The following ASXL3 variants were observed in gnomAD, a reference collection of about 807,000 sequenced individuals.
ASXL3 encodes the protein ASXL transcriptional regulator 3, also known as putative Polycomb group protein ASXL3.
Under a neutral mutation model 170.6 loss-of-function variants are expected in ASXL3, and 34 were observed. The ratio of observed to expected loss-of-function variants is 0.20; its 90% CI spans 0.15 to 0.27. The LOEUF (loss-of-function observed/expected upper bound fraction) is 0.27. ASXL3 is among the 10% of genes least tolerant of loss of function. The probability of loss-of-function intolerance (pLI) is 1.00; values close to 1 mark genes in which losing one functional copy is unlikely to be tolerated. For synonymous variants in ASXL3, 1,002 were observed against 989.1 expected (o/e 1.01, Z -0.24); for missense variants, 2,592 against 2,695.3 (o/e 0.96, Z 0.85).
Position 33,746,238 on chromosome 18 carries a change from A to G in ASXL3, c.6390A>G (p.Pro2130=), listed in dbSNP as rs1413431183. 1 of 1,613,876 alleles carries G rather than the reference A, an allele frequency of 6.2e-7. No individual in the cohort carries two copies. Among genetic ancestry groups the G allele is most frequent in the Non-Finnish European group, 8.5e-7 (1 of 1,179,904 alleles). ...ADFSSYLLSE[P]QKPFTQLAAQ... ...TCTCTTCCTATTTGCTTTCTGAGCC[A>G]CAAAAGCCTTTTACCCAATTAGCTG... Residue 2130 remains proline (P), a synonymous_variant, in exon 12 of 12, where the codon CCA becomes CCG. Transcript: ENST00000269197.
intron 8 of ASXL3, among the ~76,000 whole-genome samples, chr18:33,703,173 G>A (rs961367932): frequency 4.6e-5 from 7 of 152,096 alleles, no homozygotes; most frequent in East Asian, 1.9e-4. Context: ...AATTGCTCAC[G>A]ACCAAAATCT....
At chr18:33,700,960 G>A (rs2066863818) in intron 8 of ASXL3, among the ~76,000 whole-genome samples, 1 of 152,020 alleles carries the variant, frequency 6.6e-6, no homozygotes, top group Admixed American at 6.6e-5. Flanking sequence ...AGGTCAGAGA[G>A]AAGAGCACGA....
chr18:33,671,591 CTT>C lies in ASXL3; in HGVS notation c.596-152_596-151del, dbSNP rs944900113. ...TGTTTGATTGATTTATTGGGCTTCT[CTT>C]TTTATATCCAGTAGGGGAATCAGAT... is the stretch of plus-strand genomic sequence containing the variant. On this transcript the variant is annotated intron_variant, in intron 6 of 11. Transcript: ENST00000269197. Among the ~76,000 whole-genome samples, 13 of 152,272 alleles carry C rather than the reference CTT, an allele frequency of 8.5e-5. No homozygotes were observed. In the East Asian group the frequency reaches 1.4e-3, roughly 16 times the overall value.
chr18:33,589,164 G>A (rs538715156), intron 1 of ASXL3, among the ~76,000 whole-genome samples: 2 of 152,128 alleles, frequency 1.3e-5, no homozygotes, highest in African/African-American at 4.8e-5. Context: ...GTTTGACCTT[G>A]AGAAAGTTAC....
chr18:33,578,432 C>T lies in ASXL3; in HGVS notation c.-200C>T. Reference sequence around the variant, plus strand: ...CGTCGCGCGCCCCCACCCACTCCACCCCACCCCCTCGCTCCATCCCTCCCA... The same window carrying T: ...CGTCGCGCGCCCCCACCCACTCCACTCCACCCCCTCGCTCCATCCCTCCCA... On this transcript the variant is annotated 5_prime_UTR_variant, in exon 1 of 12. Transcript: ENST00000269197. 1.0e-5 allele frequency: 1 copy of T among 99,804 alleles called. No individual in the cohort carries two copies. Among genetic ancestry groups the T allele is most frequent in the East Asian group, 3.3e-4 (1 of 3,024 alleles). 6.2% of individuals were successfully genotyped at this position (99,804 alleles called of 1,614,324 possible). A position where few individuals can be genotyped will look rare whatever the true frequency, so the allele number is the denominator to read the frequency against.
At chr18:33,621,014 T>C (rs1222538138) in intron 2 of ASXL3, among the ~76,000 whole-genome samples, 1 of 152,172 alleles carries the variant, frequency 6.6e-6, no homozygotes, top group East Asian at 1.9e-4. Flanking sequence ...CTTGTGAGAA[T>C]TGATCTGAGA....
At position 33,750,982 on chromosome 18, in the gene ASXL3, G is replaced by A. The variant is rs1334292891; in HGVS notation, c.*4387G>A. 1 of 152,118 alleles carries A rather than the reference G, an allele frequency of 6.6e-6. No homozygotes were observed. The highest frequency in any genetic ancestry group is 2.1e-4 in the South Asian group (1 of 4,826). The allele number at this position is 152,118 out of a possible 1,614,324, so 9.4% of individuals were successfully genotyped here. On this transcript the variant is annotated 3_prime_UTR_variant, in exon 12 of 12. Coordinates refer to ENST00000269197, the MANE Select transcript of ASXL3 (RefSeq NM_030632.3). ...GACAGTGTTTTGTTTAGAATTCAGG[G>A]ATCATGCATTCTTTAATGGTGCTGT...
intron 8 of ASXL3, among the ~76,000 whole-genome samples, chr18:33,684,175 T>C (rs1347256878): frequency 6.6e-6 from 1 of 152,146 alleles, no homozygotes; most frequent in African/African-American, 2.4e-5. Flanking sequence ...GCTGTTTGCT[T>C]AGGAAAGAAA....
chr18:33,686,753 A>G (rs1352868148), intron 8 of ASXL3, among the ~76,000 whole-genome samples: 1 of 152,210 alleles, frequency 6.6e-6, no homozygotes, highest in African/African-American at 2.4e-5. Context: ...TTCTGAAACC[A>G]GTAGGTACCA....
In ASXL3 at chr18:33,740,436, C is replaced by T. The variant is rs1461875148; in HGVS notation, c.3032C>T (p.Pro1011Leu). 1 of 1,565,336 alleles carries T rather than the reference C, an allele frequency of 6.4e-7. No homozygotes were observed. Among genetic ancestry groups the T allele is most frequent in the Non-Finnish European group, 8.6e-7 (1 of 1,162,434 alleles). ...CCCAGAGAGGAACCAAGGGTTCCCCCTCTCAAGGTATGGTATTAAATAAAC... is the reference window on the plus strand; with the variant it reads ...CCCAGAGAGGAACCAAGGGTTCCCCTTCTCAAGGTATGGTATTAAATAAAC... Reference protein sequence around the residue: ...QPPREEPRVPPLKIQLSKIGP... With the variant: ...QPPREEPRVPLLKIQLSKIGP... The change falls in exon 11 of 12, where the codon CCT becomes CTT. Residue 1011 changes from proline to leucine, a missense_variant. Pro to Leu is a moderately conservative substitution (Grantham distance 98). Around this residue, in one of 4 missense-constraint regions of ASXL3, gnomAD observed 2,246 missense variants for 2,219.6 expected, o/e 1.01. Transcript: ENST00000269197.
At chr18:33,611,712 T>C (rs961026492) in intron 2 of ASXL3, among the ~76,000 whole-genome samples, 21 of 152,184 alleles carry the variant, frequency 1.4e-4, no homozygotes, top group African/African-American at 4.6e-4. Flanking sequence ...TGCCATGGAA[T>C]ATGTTCTTGT....
intron 8 of ASXL3, among the ~76,000 whole-genome samples, chr18:33,689,785 A>T (rs914592312): frequency 2.0e-5 from 3 of 152,012 alleles, no homozygotes; most frequent in Admixed American, 1.3e-4. Context: ...GTAATTAAAT[A>T]GTATTTTGTG....
chr18:33,743,323 A>G lies in ASXL3; in HGVS notation c.3475A>G (p.Ile1159Val). 6.2e-7 allele frequency: 1 copy of G among 1,613,918 alleles called. No homozygotes were observed. The highest frequency in any genetic ancestry group is 8.5e-7 in the Non-Finnish European group (1 of 1,179,864). The change falls in exon 12 of 12, where the codon ATT (isoleucine) becomes GTT (valine). Residue 1159 changes from isoleucine to valine, a missense_variant. Transcript: ENST00000269197. ...ETKMEGSTGV[I>V]IVNPNCRSPS... ...AAAAATGGAAGGTTCGACTGGTGTC[A>G]TTATTGTCAATCCAAACTGTAGATC...
intron 8 of ASXL3, among the ~76,000 whole-genome samples, chr18:33,696,611 C>A (rs9960579): frequency 0.47 from 70,538 of 151,322 alleles, 16,887 homozygotes; most frequent in East Asian, 0.82. Flanking sequence ...GCTGATTTGT[C>A]CTGTCCAGAA....
At chr18:33,616,291 C>T (rs1385068858) in intron 2 of ASXL3, among the ~76,000 whole-genome samples, 1 of 151,938 alleles carries the variant, frequency 6.6e-6, no homozygotes, top group Non-Finnish European at 1.5e-5. Flanking sequence ...GATACTGCAG[C>T]CATAGTTGAG....
chr18:33,738,351 A>G (rs2067583980), intron 10 of ASXL3, 136 bp from the exon 11 acceptor site: 3 of 928,418 alleles, frequency 3.2e-6, no homozygotes, highest in Admixed American at 3.0e-5. Flanking sequence ...ACTGGTTTAC[A>G]TAAATTAAGC....
chr18:33,724,242 A>C (rs61053112), intron 8 of ASXL3, among the ~76,000 whole-genome samples: 9,562 of 152,080 alleles, frequency 0.063, 424 homozygotes, highest in African/African-American at 0.13. Flanking sequence ...ATTATTATAT[A>C]TATTAGGACT....
At chr18:33,729,743 T>A (rs946576066) in intron 8 of ASXL3, among the ~76,000 whole-genome samples, 2 of 152,140 alleles carry the variant, frequency 1.3e-5, no homozygotes, top group Non-Finnish European at 2.9e-5. Context: ...CCTTCATTAC[T>A]CATTTCTGAT....
At chr18:33,586,912 A>G (rs976689202) in intron 1 of ASXL3, among the ~76,000 whole-genome samples, 11 of 152,194 alleles carry the variant, frequency 7.2e-5, no homozygotes, top group African/African-American at 2.4e-4. Context: ...GGGATTATCT[A>G]TGTGTCCCTA....
Sources: allele counts gnomAD v4.1 joint callset (sites outside exome capture counted in the v4.1 genomes callset), GRCh38; gene constraint gnomAD v4.1.1; regional missense constraint gnomAD v4.1.1; transcripts MANE v1.5; gene names NCBI Gene and HGNC (gene_info 2026-07-23, HGNC 2026-07-21).